KATNAL1: variants seen among roughly 807,000 people sequenced by gnomAD.
KATNAL1 encodes the protein katanin p60 ATPase-containing subunit A-like 1.
A neutral mutation model predicts 55.2 loss-of-function variants in KATNAL1; 32 were observed. The observed-to-expected ratio is 0.58, with a 90% confidence interval of 0.44 to 0.78. The LOEUF (loss-of-function observed/expected upper bound fraction) is 0.78. KATNAL1 is among the 30% of genes least tolerant of loss of function. KATNAL1 has a pLI of 0.00. For missense variants in KATNAL1, 466 were observed against 600.9 expected, an observed-to-expected ratio of 0.78 and a Z score of 2.35; for synonymous variants, 193 against 193.6, an observed-to-expected ratio of 1.00 and a Z score of 0.02.
intron 1 of KATNAL1, among the ~76,000 whole-genome samples, chr13:30,290,367 G>C (rs1192077883): frequency 1.3e-5 from 2 of 151,852 alleles, no homozygotes; most frequent in Non-Finnish European, 2.9e-5. Context: ...AAATGAAGGA[G>C]GGCTATCACT....
intron 1 of KATNAL1, among the ~76,000 whole-genome samples, chr13:30,288,573 T>C (rs573663319): frequency 6.6e-6 from 1 of 152,238 alleles, no homozygotes; most frequent in Non-Finnish European, 1.5e-5. Flanking sequence ...TACTGCAGTA[T>C]TAGTTTTGAT....
In KATNAL1 at chr13:30,208,043, A is replaced by G. The variant is rs1426131571; in HGVS notation, c.*497T>C. On this transcript the variant is annotated 3_prime_UTR_variant, in exon 11 of 11. Coordinates refer to ENST00000380615, the MANE Select transcript of KATNAL1 (RefSeq NM_032116.5). The stretch of plus-strand genomic sequence containing the variant: ...GACAGACTCTAACAGTAAGTCATAA[A>G]TTCTAAAGGTTTAATTAGTAAATTC... 6.6e-6 allele frequency: 1 copy of G among 152,314 alleles called. No individual in the cohort carries two copies. Among genetic ancestry groups the G allele is most frequent in the East Asian group, 1.9e-4 (1 of 5,200 alleles). The allele number at this position is 152,314 out of a possible 1,614,324, so 9.4% of individuals were successfully genotyped here. A position where few individuals can be genotyped will look rare whatever the true frequency, so the allele number is the denominator to read the frequency against.
intron 7 of KATNAL1, 89 bp downstream of exon 7, chr13:30,231,224 CA>C (rs1566094998): frequency 1.9e-6 from 2 of 1,058,932 alleles, no homozygotes; most frequent in African/African-American, 1.6e-5. Context: ...CTGCCCTTTT[CA>C]AAAAAGATTC....
intron 1 of KATNAL1, among the ~76,000 whole-genome samples, chr13:30,286,053 T>C (rs751540373): frequency 1.3e-5 from 2 of 152,272 alleles, no homozygotes; most frequent in African/African-American, 2.4e-5. Context: ...CACAAAGATA[T>C]GGTTTGGAAT....
chr13:30,225,328 C>A (rs994247036), intron 9 of KATNAL1, among the ~76,000 whole-genome samples: 3 of 152,100 alleles, frequency 2.0e-5, no homozygotes, highest in Non-Finnish European at 4.4e-5. Context: ...CTTCCACAAT[C>A]TCCCATAACT....
intron 4 of KATNAL1, among the ~76,000 whole-genome samples, chr13:30,247,634 A>G (rs1877917706): frequency 6.6e-6 from 1 of 152,238 alleles, no homozygotes. Flanking sequence ...CTGAGGAACA[A>G]CACAGAAACC....
chr13:30,214,618 G>A (rs973743555), intron 9 of KATNAL1, among the ~76,000 whole-genome samples: 4 of 152,162 alleles, frequency 2.6e-5, no homozygotes, highest in Non-Finnish European at 4.4e-5. Flanking sequence ...AAATAATGCC[G>A]CATATCTACA....
intron 8 of KATNAL1, among the ~76,000 whole-genome samples, 199 bp from the exon 9 acceptor site, chr13:30,227,745 T>C (rs1875652108): frequency 6.8e-6 from 1 of 147,640 alleles, no homozygotes; most frequent in South Asian, 2.2e-4. Flanking sequence ...TAACCTAGTG[T>C]GGGATTTTTT....
chr13:30,223,595 A>T (rs1415434111), intron 9 of KATNAL1, among the ~76,000 whole-genome samples: 4 of 152,198 alleles, frequency 2.6e-5, no homozygotes, highest in Middle Eastern at 3.2e-3. Context: ...TACCAAGTCA[A>T]AGTGTATTCT....
At chr13:30,290,165 A>T (rs754555467) in intron 1 of KATNAL1, among the ~76,000 whole-genome samples, 17 of 152,190 alleles carry the variant, frequency 1.1e-4, no homozygotes, top group Non-Finnish European at 1.9e-4. Flanking sequence ...AGCAAATTAA[A>T]ACCAAAAGAA....
At chr13:30,215,703 C>G (rs1301584869) in intron 9 of KATNAL1, among the ~76,000 whole-genome samples, 2 of 151,578 alleles carry the variant, frequency 1.3e-5, no homozygotes, top group African/African-American at 4.9e-5. Context: ...CATGTTCTCA[C>G]TCATAGGTGG....
intron 3 of KATNAL1, 60 bp downstream of exon 3, chr13:30,280,003 G>T: frequency 7.0e-7 from 1 of 1,421,456 alleles, no homozygotes; most frequent in African/African-American, 1.5e-5. Context: ...TTCAAAACAT[G>T]CTTCACTGTG....
Position 30,208,521 on chromosome 13 carries a change from T to C in KATNAL1, c.*19A>G. The C allele has an allele frequency of 6.8e-7, 1 of 1,475,786 alleles. No homozygotes were observed. Among genetic ancestry groups the C allele is most frequent in the Non-Finnish European group, 9.0e-7 (1 of 1,104,988 alleles). 91.4% of individuals were successfully genotyped at this position (1,475,786 alleles called of 1,614,324 possible). A position where few individuals can be genotyped will look rare whatever the true frequency, so the allele number is the denominator to read the frequency against. On this transcript the variant is annotated 3_prime_UTR_variant, in exon 11 of 11. Coordinates refer to ENST00000380615, the MANE Select transcript of KATNAL1 (RefSeq NM_032116.5). Reference sequence around the variant, plus strand: ...ATTTTATCAACAAAAATACCAGAAATTAAAGAGCTGACAGAAATTCAAGCA... The same window carrying C: ...ATTTTATCAACAAAAATACCAGAAACTAAAGAGCTGACAGAAATTCAAGCA...
chr13:30,284,133 T>A (rs1329731409), intron 1 of KATNAL1, among the ~76,000 whole-genome samples: 1 of 152,194 alleles, frequency 6.6e-6, no homozygotes, highest in South Asian at 2.1e-4. Flanking sequence ...GTGCTGGGAT[T>A]ACAGGCGTGA....
chr13:30,222,004 T>C (rs1874917917), intron 9 of KATNAL1, among the ~76,000 whole-genome samples: 1 of 152,094 alleles, frequency 6.6e-6, no homozygotes, highest in Admixed American at 6.6e-5. Context: ...TGAGGTAAGA[T>C]TGCGCCATTG....
chr13:30,281,504 A>T (rs1342005807), intron 2 of KATNAL1, among the ~76,000 whole-genome samples: 2 of 152,168 alleles, frequency 1.3e-5, no homozygotes, highest in Non-Finnish European at 2.9e-5. Context: ...GCTAATAGGA[A>T]GGATAGAAGA....
Position 30,207,781 on chromosome 13 carries a change from A to G in KATNAL1, c.*759T>C, listed in dbSNP as rs147421618. Reference sequence around the variant, plus strand: ...TCCTTCACGCACACACAAAAAAGTGAAAACAAACTTGGAAGTCTAGAATGA... The same window carrying G: ...TCCTTCACGCACACACAAAAAAGTGGAAACAAACTTGGAAGTCTAGAATGA... On this transcript the variant is annotated 3_prime_UTR_variant, in exon 11 of 11. Coordinates refer to ENST00000380615, the MANE Select transcript of KATNAL1 (RefSeq NM_032116.5). The G allele has an allele frequency of 6.6e-6, 1 of 152,324 alleles. No individual in the cohort carries two copies. Among genetic ancestry groups the G allele is most frequent in the African/African-American group, 2.4e-5 (1 of 41,578 alleles). The allele number at this position is 152,324 out of a possible 1,614,324, so 9.4% of individuals were successfully genotyped here.
chr13:30,263,330 C>T (rs1433923545), intron 3 of KATNAL1, among the ~76,000 whole-genome samples: 1 of 152,066 alleles, frequency 6.6e-6, no homozygotes, highest in Non-Finnish European at 1.5e-5. Context: ...TGCCCTCTCT[C>T]ACCACTCCTA....
rs567897696 is a variant in KATNAL1 at position 30,229,478 on chromosome 13, G to A, written c.1012+990C>T. Among the ~76,000 whole-genome samples, 5 of 152,266 alleles carry A rather than the reference G, an allele frequency of 3.3e-5. No homozygotes were observed. The East Asian group carries it at 7.7e-4, about 23-fold the overall frequency. ...CTCATGTCTATAATCCTAGCACTTT[G>A]AGAGGCTGAGTCCAGAGGATCATCT... On this transcript the variant is annotated intron_variant, in intron 8 of 10. Transcript: ENST00000380615.
Sources: allele counts gnomAD v4.1 joint callset (sites outside exome capture counted in the v4.1 genomes callset), GRCh38; gene constraint gnomAD v4.1.1; transcripts MANE v1.5; gene names NCBI Gene and HGNC (gene_info 2026-07-23, HGNC 2026-07-21).